DGKI: variants seen among roughly 807,000 people sequenced by gnomAD.
The protein encoded by DGKI is DAG kinase iota.
DGKI carries 55 observed loss-of-function variants against 147.5 expected under a neutral mutation model. That is an observed-to-expected ratio of 0.37 (90% CI 0.30 to 0.47). The LOEUF is 0.47. DGKI is among the 20% of genes least tolerant of loss of function. The probability of loss-of-function intolerance (pLI) is 1.00; values close to 1 mark genes in which losing one functional copy is unlikely to be tolerated. For missense variants in DGKI, 1,007 were observed against 1,323.8 expected (o/e 0.76, Z 3.71); for synonymous variants, 469 against 477.1 (o/e 0.98, Z 0.22).
chr7:137,506,282 G>A (rs778372765), intron 21 of DGKI, among the ~76,000 whole-genome samples: 84 of 152,088 alleles, frequency 5.5e-4, no homozygotes, highest in Non-Finnish European at 9.6e-4. Context: ...AAAAAGAAAC[G>A]AGCTATAAAG....
At chr7:137,752,158 T>C (rs1795509418) in intron 1 of DGKI, among the ~76,000 whole-genome samples, 1 of 151,918 alleles carries the variant, frequency 6.6e-6, no homozygotes, top group Admixed American at 6.6e-5. Context: ...TCTCCCTGGA[T>C]AATAAAAGTT....
In DGKI at chr7:137,846,321, C is replaced by T. The variant is rs181202808; in HGVS notation, c.401+141G>A. ...TAGGATGGGGAGAAGACAGACATCCCCGGGAGGAGAGGGGGAAAGGGGGAA... is the reference window on the plus strand; with the variant it reads ...TAGGATGGGGAGAAGACAGACATCCTCGGGAGGAGAGGGGGAAAGGGGGAA... On this transcript the variant is annotated intron_variant, in intron 1 of 32. Transcript: ENST00000614521. The surrounding 1 kb of genome is among the most constrained non-coding windows in gnomAD (Gnocchi z 4.0). 402 of 525,852 alleles carry T rather than the reference C, an allele frequency of 7.6e-4. 4 individuals are homozygous for T. In the Middle Eastern group the frequency reaches 0.014, roughly 18 times the overall value. The allele number at this position is 525,852 out of a possible 1,614,324, so 32.6% of individuals were successfully genotyped here. A position where few individuals can be genotyped will look rare whatever the true frequency, so the allele number is the denominator to read the frequency against.
At chr7:137,473,120 T>G (rs756675329) in intron 23 of DGKI, among the ~76,000 whole-genome samples, 6 of 152,180 alleles carry the variant, frequency 3.9e-5, no homozygotes, top group African/African-American at 9.6e-5. Context: ...TCTTTTTATG[T>G]GCAGGTGGCT....
At chr7:137,557,014 A>G (rs1646386) in intron 19 of DGKI, among the ~76,000 whole-genome samples, 16,510 of 152,066 alleles carry the variant, frequency 0.11, 1,993 homozygotes, top group African/African-American at 0.3. Flanking sequence ...CAGAACAGGA[A>G]GAATTTGACC....
intron 5 of DGKI, among the ~76,000 whole-genome samples, chr7:137,647,719 A>G (rs899006395): frequency 7.2e-5 from 11 of 152,208 alleles, no homozygotes; most frequent in Non-Finnish European, 1.6e-4. Flanking sequence ...AGCTGAGGCT[A>G]CTGCTGACAC....
At chr7:137,605,379 A>AT (rs1563108331) in intron 10 of DGKI, among the ~76,000 whole-genome samples, 1,775 of 147,614 alleles carry the variant, frequency 0.012, 35 homozygotes, top group African/African-American at 0.043. Context: ...ATAAAATAAA[A>AT]AAAGTTGAAA....
intron 28 of DGKI, among the ~76,000 whole-genome samples, chr7:137,438,005 T>C (rs1337201923): frequency 1.3e-5 from 2 of 152,162 alleles, no homozygotes; most frequent in Non-Finnish European, 1.5e-5. Flanking sequence ...AATATCTTTA[T>C]GATTATGCTT....
intron 1 of DGKI, among the ~76,000 whole-genome samples, chr7:137,843,948 ACTCAGTC>A (rs944801531): frequency 9.9e-5 from 15 of 151,812 alleles, no homozygotes; most frequent in African/African-American, 3.6e-4. Flanking sequence ...CCATACCCTA[ACTCAGTC>A]CTTTCACTCA....
chr7:137,654,324 C>T (rs1822142709), intron 5 of DGKI, among the ~76,000 whole-genome samples: 1 of 152,188 alleles, frequency 6.6e-6, no homozygotes, highest in African/African-American at 2.4e-5. Context: ...TAACCAGTTA[C>T]TGTGCTGCCC....
At chr7:137,633,900 C>T (rs1821221827) in intron 6 of DGKI, among the ~76,000 whole-genome samples, 1 of 152,210 alleles carries the variant, frequency 6.6e-6, no homozygotes, top group African/African-American at 2.4e-5. Context: ...TGTGAACATT[C>T]TGTAGAACAT....
At chr7:137,725,243 T>G (rs1794686050) in intron 1 of DGKI, among the ~76,000 whole-genome samples, 1 of 152,194 alleles carries the variant, frequency 6.6e-6, no homozygotes, top group African/African-American at 2.4e-5. Flanking sequence ...GTTGTCAACC[T>G]ACGGGAGAAG....
intron 28 of DGKI, among the ~76,000 whole-genome samples, chr7:137,432,669 A>G (rs935496147): frequency 1.1e-4 from 17 of 152,220 alleles, no homozygotes; most frequent in African/African-American, 4.1e-4. Context: ...CTAATATGGA[A>G]TAAAACCAGC....
At chr7:137,808,897 C>T (rs76246114) in intron 1 of DGKI, among the ~76,000 whole-genome samples, 3,615 of 152,182 alleles carry the variant, frequency 0.024, 150 homozygotes, top group African/African-American at 0.08. Flanking sequence ...TAGCTGTGGA[C>T]GTGGGGATGG....
At chr7:137,439,987 ACAGGTAG>A (rs1813433405) in intron 28 of DGKI, among the ~76,000 whole-genome samples, 1 of 152,244 alleles carries the variant, frequency 6.6e-6, no homozygotes, top group African/African-American at 2.4e-5. Flanking sequence ...GTGTGCTGGC[ACAGGTAG>A]CAGCAGTAAG....
At chr7:137,845,027 C>T (rs1313664904) in intron 1 of DGKI, among the ~76,000 whole-genome samples, 1 of 152,212 alleles carries the variant, frequency 6.6e-6, no homozygotes, top group Admixed American at 6.5e-5. Flanking sequence ...TACCCCCTCC[C>T]CACCATCTGT....
intron 20 of DGKI, among the ~76,000 whole-genome samples, chr7:137,544,184 A>C (rs767803205): frequency 3.9e-5 from 6 of 152,200 alleles, no homozygotes; most frequent in Admixed American, 6.5e-5. Context: ...ATACACAACT[A>C]AAGTGTAAAT....
intron 1 of DGKI, among the ~76,000 whole-genome samples, chr7:137,828,955 T>G (rs1360122301): frequency 6.6e-6 from 1 of 152,208 alleles, no homozygotes; most frequent in African/African-American, 2.4e-5. Context: ...ACATTCTAAG[T>G]TCATATCCTT....
chr7:137,407,661 ACT>A (rs1207247937), intron 30 of DGKI, among the ~76,000 whole-genome samples: 3 of 152,132 alleles, frequency 2.0e-5, no homozygotes, highest in African/African-American at 7.2e-5. Context: ...TGGTATGAAC[ACT>A]GTTTCTACTA....
Position 137,685,427 on chromosome 7 carries a change from C to T in DGKI, c.510+4467G>A, listed in dbSNP as rs116371997. On this transcript the variant is annotated intron_variant, in intron 2 of 32. Coordinates refer to ENST00000614521, the MANE Select transcript of DGKI (RefSeq NM_001321708.2). ...ACAGATGGGAGACACACTTCCTGGG[C>T]TCTCTGCTGCAGTACTACAAACAGG... is the stretch of plus-strand genomic sequence containing the variant. 4.1e-3 allele frequency among the ~76,000 whole-genome samples: 618 copies of T among 152,254 alleles called. 2 individuals carry two copies. The highest frequency in any genetic ancestry group is 0.014 in the African/African-American group (596 of 41,552).
Sources: gnomAD v4.1 joint callset for allele counts (sites outside exome capture counted in the v4.1 genomes callset) on GRCh38, gnomAD v4.1.1 for gene constraint, Gnocchi (gnomAD v3.1) non-coding constraint, MANE v1.5 for transcripts, NCBI Gene and HGNC (gene_info 2026-07-23, HGNC 2026-07-21) for gene names.